TSBP1: variants seen among roughly 807,000 people sequenced by gnomAD.
TSBP1 encodes the protein testis-expressed basic protein 1.
TSBP1 carries 56 observed loss-of-function variants against 68.8 expected under a neutral mutation model. That is an observed-to-expected ratio of 0.81 (90% CI 0.66 to 1.02). TSBP1 has a LOEUF of 1.02. TSBP1 is among the 50% of genes least tolerant of loss of function. The pLI, the probability that TSBP1 is intolerant of heterozygous loss-of-function variation, is 0.00. For synonymous variants in TSBP1, 171 were observed against 208.7 expected, an observed-to-expected ratio of 0.82 and a Z score of 1.56; for missense variants, 502 against 641.2, an observed-to-expected ratio of 0.78 and a Z score of 2.34.
At position 32,338,807 on chromosome 6, in the gene TSBP1, TTC is replaced by T. The variant is rs1198044122; in HGVS notation, c.409+170_409+171del. On this transcript the variant is annotated intron_variant, in intron 11 of 22. Coordinates refer to ENST00000612031, the Ensembl canonical transcript of TSBP1. This position sits in a 1 kb window ranked among gnomAD's most constrained non-coding sequence, Gnocchi z 5.5. ...CGGAAAAGTTAAAGGCAATAGTACT[TTC>T]TTACAGAGGCACCCCAGTTTATTAA... 6.6e-6 allele frequency among the ~76,000 whole-genome samples: 1 copy of T among 152,194 alleles called. No homozygotes were observed. The highest frequency in any genetic ancestry group is 2.4e-5 in the African/African-American group (1 of 41,444).
At position 32,315,594 on chromosome 6, in the gene TSBP1, G is replaced by A. The variant is rs150895988; in HGVS notation, c.580+178C>T. ...AACAAAACAAAAAAACCTAAATAAT[G>A]GGAAATATTACAGTTATGAATCAAA... On this transcript the variant is annotated intron_variant, in intron 19 of 22. Transcript: ENST00000612031. This position sits in a 1 kb window ranked among gnomAD's most constrained non-coding sequence, Gnocchi z 5.4. 2.3e-3 allele frequency among the ~76,000 whole-genome samples: 346 copies of A among 152,150 alleles called. No individual in the cohort carries two copies. The highest frequency in any genetic ancestry group is 3.1e-3 in the Non-Finnish European group (214 of 67,980).
At chr6:32,354,610 T>A (rs1379742218) in intron 8 of TSBP1, among the ~76,000 whole-genome samples, 14 of 152,114 alleles carry the variant, frequency 9.2e-5, no homozygotes, top group Non-Finnish European at 1.9e-4. Context: ...TCCATCTACT[T>A]AAGGACTGTC....
chr6:32,313,713 A>G (rs1354267719), intron 19 of TSBP1, among the ~76,000 whole-genome samples: 1 of 152,114 alleles, frequency 6.6e-6, no homozygotes, highest in East Asian at 1.9e-4. Context: ...CTATTGTCCT[A>G]ACTTCCTGGG....
rs1054680239 is a variant in TSBP1, at chr6:32,335,568, T to C, written c.452-111A>G. 1.3e-5 allele frequency: 12 copies of C among 904,648 alleles called. No individual in the cohort carries two copies. The highest frequency in any genetic ancestry group is 1.6e-5 in the Non-Finnish European group (11 of 674,542). The allele number at this position is 904,648 out of a possible 1,614,324, so 56.0% of individuals were successfully genotyped here. The stretch of plus-strand genomic sequence containing the variant: ...CCCTAGTAGGAATCTGCATCACTAT[T>C]GTCAAGTTCAGCTGCAGTTGAGTAG... On this transcript the variant is annotated intron_variant, in intron 13 of 22. Coordinates refer to ENST00000612031, the Ensembl canonical transcript of TSBP1. The surrounding 1 kb of genome is among the most constrained non-coding windows in gnomAD (Gnocchi z 5.5).
chr6:32,364,400 T>A (rs900623858), intron 6 of TSBP1, among the ~76,000 whole-genome samples: 1 of 143,382 alleles, frequency 7.0e-6, no homozygotes, highest in Non-Finnish European at 1.5e-5. Context: ...TATTTCTTCA[T>A]TTCTTTTCTT....
intron 3 of TSBP1, among the ~76,000 whole-genome samples, chr6:32,368,344 A>C (rs2127665530): frequency 1.3e-5 from 2 of 152,102 alleles, no homozygotes; most frequent in Middle Eastern, 3.4e-3. Context: ...TGAAGTTGGT[A>C]CTCTTGTCAA....
At chr6:32,346,695 G>T (rs1451941725) in intron 9 of TSBP1, among the ~76,000 whole-genome samples, 2 of 152,086 alleles carry the variant, frequency 1.3e-5, no homozygotes, top group African/African-American at 4.8e-5. Context: ...AAAATTAGCT[G>T]GGTATTGTGG....
At position 32,299,955 on chromosome 6, in the gene TSBP1, A is replaced by G. The variant is rs377196431; in HGVS notation, c.623-19T>C. On this transcript the variant is annotated intron_variant, in intron 21 of 22. Coordinates refer to ENST00000612031, the Ensembl canonical transcript of TSBP1. ...GTCAGTGCTAAAAACAAAACACAAAAGAAAGATCAGTGAGGATTTTCTAAC... is the reference window on the plus strand; with the variant it reads ...GTCAGTGCTAAAAACAAAACACAAAGGAAAGATCAGTGAGGATTTTCTAAC... 4.7e-5 allele frequency: 75 copies of G among 1,605,546 alleles called. 1 individual carries two copies. In the African/African-American group the frequency reaches 9.3e-4, roughly 20 times the overall value.
At chr6:32,356,861 G>C (rs1772406134) in intron 6 of TSBP1, 2 of 154,312 alleles carry the variant, frequency 1.3e-5, no homozygotes, top group Non-Finnish European at 2.9e-5. Context: ...CTTAACATTT[G>C]CTAGAAAAAT....
Position 32,335,920 on chromosome 6 carries a change from C to A in TSBP1, c.443G>T (p.Gly148Val). The A allele has an allele frequency of 6.2e-7, 1 of 1,609,380 alleles. No individual in the cohort carries two copies. Among genetic ancestry groups the A allele is most frequent in the Non-Finnish European group, 8.5e-7 (1 of 1,177,614 alleles). Residue 148 changes from glycine (G) to valine (V), a missense_variant, in exon 13 of 23, where the codon GGA (glycine) becomes GTA (valine). Physicochemically the swap from Gly to Val is moderately radical, Grantham distance 109. Transcript: ENST00000612031. The surrounding 1 kb of genome is among the most constrained non-coding windows in gnomAD (Gnocchi z 5.5). ...TCAGAGAGCAAACTTACTGATAGGT[C>A]CTGTAGCTCCGGCTGTGAGAGAGAA... is the stretch of plus-strand genomic sequence containing the variant.
At chr6:32,301,962 C>CATAATAATA (rs1554185882) in intron 20 of TSBP1, among the ~76,000 whole-genome samples, 1,788 of 135,424 alleles carry the variant, frequency 0.013, 11 homozygotes, top group Middle Eastern at 0.034. Context: ...TAGTTGAAAT[C>CATAATAATA]ATCATCATAA....
At position 32,340,138 on chromosome 6, in the gene TSBP1, TTC is replaced by T. The variant is rs1416696073; in HGVS notation, c.350-502_350-501del. The stretch of plus-strand genomic sequence containing the variant: ...CTGTTTTTATTTTTGATTTATTAAT[TTC>T]TGTTATTTTAATCTTTAAAACAACC... On this transcript the variant is annotated intron_variant, in intron 9 of 22. Coordinates refer to ENST00000612031, the Ensembl canonical transcript of TSBP1. This position sits in a 1 kb window ranked among gnomAD's most constrained non-coding sequence, Gnocchi z 4.8. Among the ~76,000 whole-genome samples the T allele has an allele frequency of 1.3e-5, 2 of 152,234 alleles. No individual in the cohort carries two copies. The highest frequency in any genetic ancestry group is 4.8e-5 in the African/African-American group (2 of 41,456).
At chr6:32,355,142 G>C (rs1414015476) in exon 8 of TSBP1, 2 of 1,612,036 alleles carry the variant, frequency 1.2e-6, no homozygotes, top group Non-Finnish European at 1.7e-6. Context: ...TTGGTTGATG[G>C]TGCTAAAATA....
Position 32,336,500 on chromosome 6 carries a change from G to A in TSBP1, c.430+115C>T, listed in dbSNP as rs555256321. The A allele has an allele frequency of 1.7e-4, 150 of 874,992 alleles. No individual in the cohort carries two copies. In the African/African-American group the frequency reaches 2.2e-3, roughly 13 times the overall value. The allele number at this position is 874,992 out of a possible 1,614,324, so 54.2% of individuals were successfully genotyped here. On this transcript the variant is annotated intron_variant, in intron 12 of 22. Transcript: ENST00000612031. The surrounding 1 kb of genome is among the most constrained non-coding windows in gnomAD (Gnocchi z 5.2). ...TTAGCAAACCTGCATATGCACCACCGGAATCTAAAATAAAAGTTGAAATTA... is the reference window on the plus strand; with the variant it reads ...TTAGCAAACCTGCATATGCACCACCAGAATCTAAAATAAAAGTTGAAATTA...
At position 32,306,791 on chromosome 6, in the gene TSBP1, A is replaced by G. The variant is rs2127570199; in HGVS notation, c.581-4162T>C. ...TTTCCTTCTTTTTTCACCTCCTGCCATCCTCAGTTTATCTCATGATACAAG... is the reference window on the plus strand; with the variant it reads ...TTTCCTTCTTTTTTCACCTCCTGCCGTCCTCAGTTTATCTCATGATACAAG... On this transcript the variant is annotated intron_variant, in intron 19 of 22. Coordinates refer to ENST00000612031, the Ensembl canonical transcript of TSBP1. The surrounding 1 kb of genome is among the most constrained non-coding windows in gnomAD (Gnocchi z 5.1). 6.6e-6 allele frequency among the ~76,000 whole-genome samples: 1 copy of G among 151,290 alleles called. No homozygotes were observed. Among genetic ancestry groups the G allele is most frequent in the African/African-American group, 2.4e-5 (1 of 41,160 alleles).
At position 32,295,351 on chromosome 6, in the gene TSBP1, A is replaced by ACACACACACACACACAC. The variant is rs773829841; in HGVS notation, c.638-1317_638-1316insGTGTGTGTGTGTGTGTG. Among the ~76,000 whole-genome samples the ACACACACACACACACAC allele has an allele frequency of 1.3e-4, 12 of 92,176 alleles. No individual in the cohort carries two copies. In the East Asian group the frequency reaches 1.4e-3, roughly 11 times the overall value. The allele number at this position is 92,176 out of a possible 152,430, so 60.5% of individuals were successfully genotyped here. On this transcript the variant is annotated intron_variant, in intron 22 of 22. Coordinates refer to ENST00000612031, the Ensembl canonical transcript of TSBP1. ...ACTCCATCTCACACACACACACACA[A>ACACACACACACACACAC]AAAAAAAAAAAAAAAAAAAGAAGAC...
chr6:32,355,606 T>C (rs767164166), intron 7 of TSBP1, 43 bp downstream of exon 7: 3 of 1,590,090 alleles, frequency 1.9e-6, no homozygotes, highest in Admixed American at 3.4e-5. Flanking sequence ...GAAATGTTAC[T>C]AATAGGAAGC....
chr6:32,305,730 A>G (rs1016310728), intron 19 of TSBP1, among the ~76,000 whole-genome samples: 1 of 152,208 alleles, frequency 6.6e-6, no homozygotes, highest in Admixed American at 6.5e-5. Flanking sequence ...TCCTGACCTC[A>G]GGCAATCCTC....
In TSBP1 at chr6:32,343,458, AG is replaced by A. The variant is rs1470588205; in HGVS notation, c.350-3821del. Among the ~76,000 whole-genome samples, 1 of 152,132 alleles carries A rather than the reference AG, an allele frequency of 6.6e-6. No individual in the cohort carries two copies. The highest frequency in any genetic ancestry group is 2.4e-5 in the African/African-American group (1 of 41,404). On this transcript the variant is annotated intron_variant, in intron 9 of 22. Transcript: ENST00000612031. This position sits in a 1 kb window ranked among gnomAD's most constrained non-coding sequence, Gnocchi z 4.3. ...GACACTATGCAGGAGTGAAAGTTTCAGGGGAATATTCAGCTTTACTATATTT... is the reference window on the plus strand; with the variant it reads ...GACACTATGCAGGAGTGAAAGTTTCAGGGAATATTCAGCTTTACTATATTT...
Sources: allele counts gnomAD v4.1 joint callset (sites outside exome capture counted in the v4.1 genomes callset), GRCh38; gene constraint gnomAD v4.1.1; non-coding constraint Gnocchi (gnomAD v3.1); transcripts MANE v1.5; gene names NCBI Gene and HGNC (gene_info 2026-07-23, HGNC 2026-07-21).